Variants in TRRAP observed in about 807,000 individuals in gnomAD.
TRRAP encodes the protein transformation/transcription domain associated protein.
Under a neutral mutation model 438.8 loss-of-function variants are expected in TRRAP, and 41 were observed. The ratio of observed to expected loss-of-function variants is 0.09; its 90% confidence interval spans 0.07 to 0.12. TRRAP has a LOEUF of 0.12. TRRAP is among the 10% of genes least tolerant of loss of function. The probability of loss-of-function intolerance (pLI) is 1.00; values close to 1 mark genes in which losing one functional copy is unlikely to be tolerated. For missense variants in TRRAP, 3,122 were observed against 5,055.1 expected (o/e 0.62, Z 11.60); for synonymous variants, 1,994 against 1,962.9 (o/e 1.02, Z -0.42).
At chr7:98,942,601 G>A (rs1202738744) in intron 30 of TRRAP, among the ~76,000 whole-genome samples, 4 of 152,114 alleles carry the variant, frequency 2.6e-5, no homozygotes, top group African/African-American at 7.2e-5. Context: ...GGATGATGTC[G>A]GCCGTTCATG....
intron 16 of TRRAP, among the ~76,000 whole-genome samples, 173 bp downstream of exon 16, chr7:98,910,780 T>C (rs1210489635): frequency 6.6e-6 from 1 of 152,212 alleles, no homozygotes; most frequent in East Asian, 1.9e-4. Context: ...TGGGAATTCT[T>C]ATTTATAAGA....
At chr7:98,974,397 C>G (rs1231990408) in intron 53 of TRRAP, among the ~76,000 whole-genome samples, 1 of 152,168 alleles carries the variant, frequency 6.6e-6, no homozygotes, top group Non-Finnish European at 1.5e-5. Flanking sequence ...TCACCCCAGG[C>G]ACACAGGCTC....
At chr7:98,967,287 C>A in intron 50 of TRRAP, 125 bp downstream of exon 50, 1 of 1,390,126 alleles carries the variant, frequency 7.2e-7, no homozygotes, top group Non-Finnish European at 9.8e-7. Context: ...CATTTAAATG[C>A]TAAATTGTGT....
In TRRAP at chr7:99,012,199, G is replaced by C. The variant is rs974289091; in HGVS notation, c.11466G>C (p.Val3822=). The part of the protein sequence containing the change: ...QPENMDSQQL[V]SLVQKAVTAI... ...AGAACATGGACAGCCAGCAACTGGTGTCCCTGGTTCAGAAAGCCGTCACCG... is the reference window on the plus strand; with the variant it reads ...AGAACATGGACAGCCAGCAACTGGTCTCCCTGGTTCAGAAAGCCGTCACCG... Residue 3822 remains valine, a synonymous_variant, in exon 73 of 73, where the codon GTG becomes GTC. Transcript: ENST00000456197. The surrounding 1 kb of genome is among the most constrained non-coding windows in gnomAD (Gnocchi z 5.9). 6.2e-7 allele frequency: 1 copy of C among 1,614,056 alleles called. No individual in the cohort carries two copies. Among genetic ancestry groups the C allele is most frequent in the African/African-American group, 1.3e-5 (1 of 74,940 alleles).
chr7:98,957,940 G>A lies in TRRAP; in HGVS notation c.6232-41G>A, dbSNP rs201571948. 9.6e-5 allele frequency: 151 copies of A among 1,575,658 alleles called. 1 individual carries two copies. In the East Asian group the frequency reaches 3.0e-3, roughly 31 times the overall value. On this transcript the variant is annotated intron_variant, in intron 43 of 72. Coordinates refer to ENST00000456197, the MANE Select transcript of TRRAP (RefSeq NM_001375524.1). ...AGTCAAGCCTGGGTTGGAAATTAGT[G>A]TTGCGATTCTCTTCCTGCCTGAAAG...
At chr7:98,929,749 A>G (rs376908031) in intron 23 of TRRAP, among the ~76,000 whole-genome samples, 22 of 152,020 alleles carry the variant, frequency 1.4e-4, no homozygotes, top group African/African-American at 5.3e-4. Flanking sequence ...GCCTGCCACC[A>G]TGCCTGGCTA....
intron 51 of TRRAP, among the ~76,000 whole-genome samples, chr7:98,968,870 C>T (rs753415656): frequency 1.4e-4 from 21 of 152,224 alleles, no homozygotes; most frequent in African/African-American, 5.1e-4. Flanking sequence ...TTCCATCACT[C>T]GTTCAGGAGA....
At chr7:98,984,411 G>GTCGCCGTATCATT in intron 61 of TRRAP, 53 bp downstream of exon 61, 1 of 1,481,780 alleles carries the variant, frequency 6.7e-7, no homozygotes, top group Non-Finnish European at 9.0e-7. Flanking sequence ...AGGCCAGGTG[G>GTCGCCGTATCATT]AGAATGAGGC....
chr7:98,972,216 A>T (rs2116712361), intron 53 of TRRAP, among the ~76,000 whole-genome samples: 1 of 152,104 alleles, frequency 6.6e-6, no homozygotes, highest in South Asian at 2.1e-4. Flanking sequence ...TAATTTGTTA[A>T]TTTTTTAGTA....
At chr7:98,980,459 C>T (rs1054641581) in intron 58 of TRRAP, among the ~76,000 whole-genome samples, 1 of 151,188 alleles carries the variant, frequency 6.6e-6, no homozygotes, top group African/African-American at 2.5e-5. Flanking sequence ...AAATGTGAGG[C>T]GTTCCAGTGC....
chr7:98,967,433 C>A, intron 50 of TRRAP, 52 bp from the exon 51 acceptor site: 1 of 1,577,384 alleles, frequency 6.3e-7, no homozygotes, highest in Non-Finnish European at 8.7e-7. Flanking sequence ...TGCTTGTTTG[C>A]ATATGACTTG....
chr7:98,999,605 G>T, intron 67 of TRRAP: 1 of 785,922 alleles, frequency 1.3e-6, no homozygotes, highest in Non-Finnish European at 2.2e-6. Flanking sequence ...TTGTCTAAGT[G>T]CTTGCATAGA....
At chr7:98,972,320 G>A (rs1244849912) in intron 53 of TRRAP, among the ~76,000 whole-genome samples, 1 of 152,210 alleles carries the variant, frequency 6.6e-6, no homozygotes, top group Non-Finnish European at 1.5e-5. Context: ...TGGGATTATA[G>A]GCGTGAAGCA....
rs1793825811 is a variant in TRRAP, at chr7:98,999,598, T to C, written c.10310-4592T>C. ...GCCACTGTGTTCTTCCCATAGGTTG[T>C]CTAAGTGCTTGCATAGAGCAGAGAG... is the stretch of plus-strand genomic sequence containing the variant. On this transcript the variant is annotated intron_variant, in intron 67 of 72. Coordinates refer to ENST00000456197, the MANE Select transcript of TRRAP (RefSeq NM_001375524.1). 5.8e-5 allele frequency: 45 copies of C among 774,780 alleles called. No individual in the cohort carries two copies. In the South Asian group the frequency reaches 6.3e-4, roughly 11 times the overall value. The allele number at this position is 774,780 out of a possible 1,614,324, so 48.0% of individuals were successfully genotyped here.
chr7:98,986,919 A>G (rs1793173729), intron 62 of TRRAP, among the ~76,000 whole-genome samples: 1 of 152,196 alleles, frequency 6.6e-6, no homozygotes. Context: ...GCATGTGGAT[A>G]TACGGTTGTC....
rs759099104 is a variant in TRRAP at position 98,988,819 on chromosome 7, G to A, written c.9444G>A (p.Leu3148=). The A allele has an allele frequency of 5.6e-6, 9 of 1,614,098 alleles. No individual in the cohort carries two copies. The highest frequency in any genetic ancestry group is 5.9e-6 in the Non-Finnish European group (7 of 1,180,054). ...CAGCTGTGCAGATGCACGATGTGCT[G>A]GTGAAAGCCTGGGCCATGTGGGGCG... ...FSAAVQMHDV[L]VKAWAMWGDY... Residue 3148 remains leucine, a synonymous_variant, in exon 63 of 73, where the codon CTG becomes CTA. Coordinates refer to ENST00000456197, the MANE Select transcript of TRRAP (RefSeq NM_001375524.1).
At chr7:98,886,211 A>G (rs1562924813) in intron 3 of TRRAP, among the ~76,000 whole-genome samples, 1 of 152,126 alleles carries the variant, frequency 6.6e-6, no homozygotes, top group Non-Finnish European at 1.5e-5. Flanking sequence ...AATCACTTGA[A>G]CCTGGGAGAT....
At chr7:98,897,197 T>A (rs1275709646) in intron 7 of TRRAP, among the ~76,000 whole-genome samples, 1 of 152,142 alleles carries the variant, frequency 6.6e-6, no homozygotes, top group Non-Finnish European at 1.5e-5. Flanking sequence ...ATCGTACCAC[T>A]GCACTCCAGC....
intron 67 of TRRAP, chr7:98,998,817 T>C (rs1793790523): frequency 3.7e-6 from 1 of 270,702 alleles, no homozygotes. Flanking sequence ...CTTACCTCTG[T>C]TACAGAAATC....
Sources: allele counts gnomAD v4.1 joint callset (sites outside exome capture counted in the v4.1 genomes callset), GRCh38; gene constraint gnomAD v4.1.1; non-coding constraint Gnocchi (gnomAD v3.1); transcripts MANE v1.5; gene names NCBI Gene and HGNC (gene_info 2026-07-23, HGNC 2026-07-21).